Variants in MGLL observed in about 807,000 individuals in gnomAD.
MGLL encodes lysophospholipase homolog.
In MGLL, 7 loss-of-function variants were observed where a neutral mutation model predicts 29.1. The observed-to-expected ratio is 0.24, with a 90% CI of 0.14 to 0.45. The LOEUF is 0.45. Among genes scored for constraint, MGLL ranks in the 20% least tolerant of loss-of-function variants. The probability of loss-of-function intolerance (pLI) is 0.99; values close to 1 mark genes in which losing one functional copy is unlikely to be tolerated. For synonymous variants in MGLL, 148 were observed against 168.3 expected (o/e 0.88, Z 0.93); for missense variants, 356 against 413.6 (o/e 0.86, Z 1.21).
intron 6 of MGLL, among the ~76,000 whole-genome samples, chr3:127,698,518 G>A (rs1165332001): frequency 6.6e-6 from 1 of 152,168 alleles, no homozygotes; most frequent in Non-Finnish European, 1.5e-5. Flanking sequence ...TTCCACTGAT[G>A]TAATGTTCTT....
intron 3 of MGLL, among the ~76,000 whole-genome samples, chr3:127,725,563 G>A (rs559186275): frequency 4.3e-4 from 65 of 152,132 alleles, no homozygotes; most frequent in African/African-American, 1.4e-3. Flanking sequence ...GTAGGGCTTC[G>A]TTCACTTGAC....
intron 6 of MGLL, among the ~76,000 whole-genome samples, chr3:127,697,779 A>C (rs1376445853): frequency 6.6e-6 from 1 of 152,174 alleles, no homozygotes; most frequent in Non-Finnish European, 1.5e-5. Flanking sequence ...TCCTGATGCC[A>C]AGAAGTCACC....
chr3:127,822,254 T>C, intron 1 of MGLL, 55 bp downstream of exon 1: 1 of 1,565,220 alleles, frequency 6.4e-7, no homozygotes, highest in Non-Finnish European at 8.8e-7. Flanking sequence ...AATAATGAGG[T>C]GGATGATACT....
intron 3 of MGLL, among the ~76,000 whole-genome samples, chr3:127,765,389 A>G (rs1403675172): frequency 2.6e-5 from 4 of 152,238 alleles, no homozygotes; most frequent in Non-Finnish European, 5.9e-5. Flanking sequence ...CTGAAAGATA[A>G]CCAGGTGGTA....
chr3:127,744,427 C>A (rs1298078048), intron 3 of MGLL, among the ~76,000 whole-genome samples: 1 of 152,170 alleles, frequency 6.6e-6, no homozygotes, highest in African/African-American at 2.4e-5. Flanking sequence ...ACGTGTCATG[C>A]CCACAGTGGC....
chr3:127,782,487 C>T (rs1282302066), intron 2 of MGLL, among the ~76,000 whole-genome samples: 1 of 152,122 alleles, frequency 6.6e-6, no homozygotes, highest in Admixed American at 6.5e-5. Flanking sequence ...AGAGCATCGC[C>T]CTGTGGGTGC....
intron 3 of MGLL, among the ~76,000 whole-genome samples, chr3:127,727,580 T>C (rs1432340664): frequency 6.6e-6 from 1 of 151,658 alleles, no homozygotes; most frequent in Non-Finnish European, 1.5e-5. Flanking sequence ...AGCATGGTGG[T>C]GCACACCTGT....
In MGLL at chr3:127,736,403, A is replaced by G. The variant is rs1424859906; in HGVS notation, c.263-13837T>C. ...GGAGTTGGGTCAGCGAAAAAGAGTA[A>G]TGAGTCACAAAGAGTAAATGAGTCT... On this transcript the variant is annotated intron_variant, in intron 3 of 7. Transcript: ENST00000265052. 1.2e-5 allele frequency: 11 copies of G among 941,512 alleles called. No homozygotes were observed. The African/African-American group carries it at 2.0e-4, about 17-fold the overall frequency. The allele number at this position is 941,512 out of a possible 1,614,324, so 58.3% of individuals were successfully genotyped here.
intron 6 of MGLL, among the ~76,000 whole-genome samples, chr3:127,702,643 C>A (rs9828443): frequency 0.25 from 38,239 of 152,190 alleles, 5,040 homozygotes; most frequent in Middle Eastern, 0.49. Flanking sequence ...ATTCTTTCCG[C>A]CAAATTACTT....
chr3:127,733,593 C>G (rs1018137787), intron 3 of MGLL, among the ~76,000 whole-genome samples: 1 of 152,050 alleles, frequency 6.6e-6, no homozygotes, highest in Non-Finnish European at 1.5e-5. Flanking sequence ...CTTGGGAGGA[C>G]GTGGCCTGAG....
intron 3 of MGLL, among the ~76,000 whole-genome samples, chr3:127,758,150 C>T (rs2076697589): frequency 6.6e-6 from 1 of 152,168 alleles, no homozygotes; most frequent in South Asian, 2.1e-4. Flanking sequence ...TTCCCCTGGT[C>T]ATCTGTGAGG....
At chr3:127,718,067 C>T (rs2075849766) in intron 5 of MGLL, among the ~76,000 whole-genome samples, 1 of 152,130 alleles carries the variant, frequency 6.6e-6, no homozygotes, top group South Asian at 2.1e-4. Flanking sequence ...CTAAATATAT[C>T]CCAGCTTGTT....
intron 3 of MGLL, among the ~76,000 whole-genome samples, chr3:127,725,508 C>T (rs1355489600): frequency 6.6e-6 from 1 of 152,112 alleles, no homozygotes; most frequent in Non-Finnish European, 1.5e-5. Context: ...CTAATTTTTA[C>T]CCCGGTCCTA....
chr3:127,707,627 A>C, intron 6 of MGLL, among the ~76,000 whole-genome samples: 1 of 152,214 alleles, frequency 6.6e-6, no homozygotes, highest in East Asian at 1.9e-4. Flanking sequence ...TTCTGGGCCC[A>C]CACTTCTACA....
At chr3:127,758,731 G>T (rs2076707194) in intron 3 of MGLL, among the ~76,000 whole-genome samples, 1 of 152,030 alleles carries the variant, frequency 6.6e-6, no homozygotes, top group Admixed American at 6.6e-5. Context: ...TCAGATATGT[G>T]TTATAAAAAA....
chr3:127,798,544 A>G (rs1006469358), intron 2 of MGLL, among the ~76,000 whole-genome samples: 1 of 151,868 alleles, frequency 6.6e-6, no homozygotes, highest in Non-Finnish European at 1.5e-5. Flanking sequence ...CTTCTCTTGG[A>G]TTTGTTCTTT....
chr3:127,797,464 G>A (rs1214127574), intron 2 of MGLL, among the ~76,000 whole-genome samples: 1 of 152,154 alleles, frequency 6.6e-6, no homozygotes, highest in Non-Finnish European at 1.5e-5. Flanking sequence ...GAAACTCAGG[G>A]TGAAAAGATG....
At chr3:127,715,437 C>A (rs991681003) in intron 5 of MGLL, 10 of 336,440 alleles carry the variant, frequency 3.0e-5, no homozygotes, top group South Asian at 2.1e-4. Flanking sequence ...TGGCTTAAAA[C>A]AAATTAGGTG....
At chr3:127,697,010 C>T (rs1349901516) in intron 6 of MGLL, among the ~76,000 whole-genome samples, 1 of 152,252 alleles carries the variant, frequency 6.6e-6, no homozygotes, top group Non-Finnish European at 1.5e-5. Context: ...TGGATTCCTT[C>T]CCATGCTGGG....
Sources: gnomAD v4.1 joint callset for allele counts (sites outside exome capture counted in the v4.1 genomes callset) on GRCh38, gnomAD v4.1.1 for gene constraint, MANE v1.5 for transcripts, NCBI Gene and HGNC (gene_info 2026-07-23, HGNC 2026-07-21) for gene names.